Variants in ADK observed in about 807,000 individuals in gnomAD.
ADK encodes N6,N6-dimethyladenosine kinase.
Under a neutral mutation model 44.7 loss-of-function variants are expected in ADK, and 24 were observed. The observed-to-expected ratio is 0.54, with a 90% CI of 0.39 to 0.76. The LOEUF is 0.76. Among genes scored for constraint, ADK ranks in the 30% least tolerant of loss-of-function variants. The pLI is 0.00. For missense variants in ADK, 321 were observed against 425.1 expected (o/e 0.76, Z 2.15); for synonymous variants, 128 against 142.6 (o/e 0.90, Z 0.73).
intron 9 of ADK, among the ~76,000 whole-genome samples, chr10:74,665,780 A>AGAGAGT (rs1439638443): frequency 6.9e-6 from 1 of 144,878 alleles, no homozygotes; most frequent in African/African-American, 2.7e-5. Flanking sequence ...AGAGAGAGAG[A>AGAGAGT]GACAGACAGA....
chr10:74,300,169 C>T (rs1839958620), intron 3 of ADK, among the ~76,000 whole-genome samples: 1 of 151,612 alleles, frequency 6.6e-6, no homozygotes, highest in African/African-American at 2.4e-5. Context: ...TAGGTGTGAG[C>T]CATCATGTCC....
intron 6 of ADK, among the ~76,000 whole-genome samples, chr10:74,495,756 T>C (rs144848895): frequency 6.6e-6 from 1 of 152,288 alleles, no homozygotes; most frequent in African/African-American, 2.4e-5. Flanking sequence ...AAAGGACACT[T>C]GTCAGGCTAT....
At chr10:74,561,571 C>T (rs968706555) in intron 7 of ADK, among the ~76,000 whole-genome samples, 1 of 152,136 alleles carries the variant, frequency 6.6e-6, no homozygotes, top group Non-Finnish European at 1.5e-5. Flanking sequence ...TGTATGTGTT[C>T]CTAATCCCTG....
chr10:74,576,423 A>G (rs370005560), intron 7 of ADK, among the ~76,000 whole-genome samples: 1 of 152,288 alleles, frequency 6.6e-6, no homozygotes, highest in South Asian at 2.1e-4. Context: ...AGATGCTAAG[A>G]AATTTTGGAT....
chr10:74,219,580 C>T (rs2132225465), intron 2 of ADK, among the ~76,000 whole-genome samples: 1 of 152,224 alleles, frequency 6.6e-6, no homozygotes, highest in Admixed American at 6.5e-5. Context: ...TTTTCAGCAC[C>T]ACACCACACC....
chr10:74,225,057 A>G (rs1344827386), intron 3 of ADK, among the ~76,000 whole-genome samples: 4 of 152,186 alleles, frequency 2.6e-5, no homozygotes, highest in Admixed American at 1.3e-4. Context: ...GTAAATGTCA[A>G]TTGTTTGGTA....
intron 10 of ADK, among the ~76,000 whole-genome samples, chr10:74,694,171 T>TTTTTC (rs1554898854): frequency 1.4e-5 from 2 of 141,340 alleles, no homozygotes; most frequent in Non-Finnish European, 3.1e-5. Context: ...TTTTTTTTTT[T>TTTTTC]ACTATTTTGA....
chr10:74,534,284 G>A (rs74590550), intron 7 of ADK, among the ~76,000 whole-genome samples: 4,525 of 152,198 alleles, frequency 0.03, 194 homozygotes, highest in African/African-American at 0.091. Context: ...CCTCAGTAAA[G>A]CTATTAAAAT....
chr10:74,509,283 C>A (rs557262026), intron 6 of ADK: 5 of 152,270 alleles, frequency 3.3e-5, no homozygotes, highest in African/African-American at 4.8e-5. Context: ...ACCTCCACCC[C>A]CTGGGTTCAA....
intron 3 of ADK, among the ~76,000 whole-genome samples, chr10:74,240,129 A>G (rs1845148119): frequency 6.6e-6 from 1 of 151,682 alleles, no homozygotes; most frequent in Non-Finnish European, 1.5e-5. Flanking sequence ...ATTCTTGTCC[A>G]TCAGCCTCCC....
At chr10:74,224,808 T>C (rs1441780923) in intron 3 of ADK, among the ~76,000 whole-genome samples, 3 of 152,232 alleles carry the variant, frequency 2.0e-5, no homozygotes, top group African/African-American at 7.2e-5. Context: ...TTAAAAGATG[T>C]AGTGTTGTAT....
At chr10:74,596,807 A>G (rs555335372) in intron 8 of ADK, among the ~76,000 whole-genome samples, 28 of 152,308 alleles carry the variant, frequency 1.8e-4, no homozygotes, top group Admixed American at 1.1e-3. Context: ...TCCGCCTCCC[A>G]GTGTGCTGGG....
chr10:74,555,349 G>GTT (rs200388914), intron 7 of ADK, among the ~76,000 whole-genome samples: 2 of 151,250 alleles, frequency 1.3e-5, no homozygotes, highest in African/African-American at 4.9e-5. Flanking sequence ...ACTGTTTGTT[G>GTT]TTTTTTTTTA....
At chr10:74,251,894 C>T (rs373720626) in intron 3 of ADK, among the ~76,000 whole-genome samples, 20 of 99,386 alleles carry the variant, frequency 2.0e-4, no homozygotes, top group East Asian at 8.6e-4. Flanking sequence ...GTGGCAGATA[C>T]TTTTTTTTTT....
At chr10:74,623,027 C>CA (rs1457052093) in intron 9 of ADK, among the ~76,000 whole-genome samples, 1 of 151,698 alleles carries the variant, frequency 6.6e-6, no homozygotes, top group Non-Finnish European at 1.5e-5. Flanking sequence ...AAACAAAAAA[C>CA]AAAAAAAGAA....
intron 6 of ADK, among the ~76,000 whole-genome samples, chr10:74,419,639 T>C (rs1001939392): frequency 1.3e-5 from 2 of 152,180 alleles, no homozygotes; most frequent in African/African-American, 2.4e-5. Context: ...TGATGAAATT[T>C]TGTAGTTCAA....
chr10:74,369,430 T>A (rs1202465595), intron 4 of ADK, among the ~76,000 whole-genome samples: 1 of 152,244 alleles, frequency 6.6e-6, no homozygotes, highest in East Asian at 1.9e-4. Flanking sequence ...GAAGTCTAAG[T>A]ATTTTTTTAT....
intron 6 of ADK, among the ~76,000 whole-genome samples, chr10:74,511,178 G>C (rs1279874252): frequency 6.6e-6 from 1 of 152,122 alleles, no homozygotes; most frequent in African/African-American, 2.4e-5. Flanking sequence ...TGTAGATAAT[G>C]TGGATAAATT....
intron 4 of ADK, among the ~76,000 whole-genome samples, chr10:74,372,589 TG>T (rs1425285371): frequency 1.3e-5 from 2 of 152,044 alleles, no homozygotes; most frequent in Non-Finnish European, 2.9e-5. Flanking sequence ...AATGAAGTTA[TG>T]AAACAATTTC....
Sources: gnomAD v4.1 joint callset for allele counts (sites outside exome capture counted in the v4.1 genomes callset) on GRCh38, gnomAD v4.1.1 for gene constraint, MANE v1.5 for transcripts, NCBI Gene and HGNC (gene_info 2026-07-23, HGNC 2026-07-21) for gene names.